PDZRN4: variants seen among roughly 807,000 people sequenced by gnomAD.
PDZRN4 encodes the protein PDZ domain-containing RING finger protein 4.
PDZRN4 carries 70 observed loss-of-function variants against 99.0 expected under a neutral mutation model. The ratio of observed to expected loss-of-function variants is 0.71; its 90% CI spans 0.58 to 0.86. The LOEUF (loss-of-function observed/expected upper bound fraction) is 0.86, where lower values mean the gene tolerates loss of function less well. Among genes scored for constraint, PDZRN4 ranks in the 40% least tolerant of loss-of-function variants. The probability of loss-of-function intolerance (pLI) is 0.00; values close to 1 mark genes in which losing one functional copy is unlikely to be tolerated. For missense variants in PDZRN4, 1,474 were observed against 1,331.2 expected, an observed-to-expected ratio of 1.11 and a Z score of -1.67; for synonymous variants, 551 against 501.6, an observed-to-expected ratio of 1.10 and a Z score of -1.32.
At chr12:41,538,329 T>C (rs139117435) in intron 5 of PDZRN4, among the ~76,000 whole-genome samples, 12 of 152,306 alleles carry the variant, frequency 7.9e-5, no homozygotes, top group African/African-American at 2.9e-4. Context: ...TCATTTTGCT[T>C]TTTATAAAAG....
At chr12:41,199,450 G>A (rs900981425) in intron 3 of PDZRN4, among the ~76,000 whole-genome samples, 1 of 152,074 alleles carries the variant, frequency 6.6e-6, no homozygotes, top group Non-Finnish European at 1.5e-5. Context: ...ACACTATGGC[G>A]ACTTCCCAAA....
intron 3 of PDZRN4, among the ~76,000 whole-genome samples, chr12:41,483,935 A>G (rs1221218523): frequency 6.6e-6 from 1 of 152,130 alleles, no homozygotes; most frequent in Non-Finnish European, 1.5e-5. Flanking sequence ...TTTAATCTAA[A>G]TTTGTTGTGC....
chr12:41,531,033 T>C (rs1326305930), intron 5 of PDZRN4, among the ~76,000 whole-genome samples: 1 of 152,038 alleles, frequency 6.6e-6, no homozygotes, highest in Non-Finnish European at 1.5e-5. Context: ...TGGGCATGTG[T>C]TACAGGGTGC....
chr12:41,500,100 G>T (rs1938083810), intron 3 of PDZRN4, among the ~76,000 whole-genome samples: 1 of 152,056 alleles, frequency 6.6e-6, no homozygotes, highest in Admixed American at 6.6e-5. Context: ...ACCAGAAACT[G>T]TGGGCATGTG....
chr12:41,413,233 G>A (rs948819735), intron 3 of PDZRN4: 5 of 152,172 alleles, frequency 3.3e-5, no homozygotes, highest in Admixed American at 3.3e-4. Flanking sequence ...GATAGAACTG[G>A]AAGACATGAT....
intron 3 of PDZRN4, among the ~76,000 whole-genome samples, chr12:41,253,402 T>C (rs1031616268): frequency 1.3e-5 from 2 of 152,170 alleles, no homozygotes. Flanking sequence ...TCCAGTTTTA[T>C]CAGTGCCATC....
chr12:41,191,532 T>A lies in PDZRN4; in HGVS notation c.723T>A (p.Gly241=). ...NDTLGFNIIG[G]RPNQNNQEGT... ...CTTTGGGATTCAATATTATAGGAGG[T>A]CGACCAAATCAGGTAAAACACCTTG... The change falls in exon 2 of 10, where the codon GGT becomes GGA. Residue 241 remains glycine (G), a synonymous_variant. Coordinates refer to ENST00000402685, the MANE Select transcript of PDZRN4 (RefSeq NM_001164595.2). 6.6e-7 allele frequency: 1 copy of A among 1,520,122 alleles called. No homozygotes were observed. The highest frequency in any genetic ancestry group is 1.4e-5 in the African/African-American group (1 of 73,494). 94.2% of individuals were successfully genotyped at this position (1,520,122 alleles called of 1,614,324 possible).
chr12:41,502,490 A>T (rs1938128656), intron 3 of PDZRN4, among the ~76,000 whole-genome samples: 1 of 152,090 alleles, frequency 6.6e-6, no homozygotes, highest in Non-Finnish European at 1.5e-5. Flanking sequence ...TATTTTTTTC[A>T]GTAATCAAGT....
Position 41,188,755 on chromosome 12 carries a change from C to T in PDZRN4, c.300C>T (p.His100=), listed in dbSNP as rs774031404. Reference sequence around the variant, plus strand: ...TCAGGCTGCACGAGCTGGAGGCGCACGTCGAGCACTGCGACTTCGGCCCTG... The same window carrying T: ...TCAGGCTGCACGAGCTGGAGGCGCATGTCGAGCACTGCGACTTCGGCCCTG... The part of the protein sequence containing the change: ...HSVRLHELEA[H]VEHCDFGPAR... The change falls in exon 1 of 10, where the codon CAC becomes CAT. Residue 100 remains histidine, a synonymous_variant. Transcript: ENST00000402685. 2.3e-5 allele frequency: 34 copies of T among 1,472,482 alleles called. No homozygotes were observed. Among genetic ancestry groups the T allele is most frequent in the Non-Finnish European group, 2.9e-5 (33 of 1,120,596 alleles). The allele number at this position is 1,472,482 out of a possible 1,614,324, so 91.2% of individuals were successfully genotyped here.
chr12:41,566,293 T>C (rs1042304171), intron 8 of PDZRN4, among the ~76,000 whole-genome samples: 4 of 152,174 alleles, frequency 2.6e-5, no homozygotes, highest in Non-Finnish European at 2.9e-5. Context: ...TATTTTGACC[T>C]GATTAAAGAA....
chr12:41,559,899 A>G (rs1233908567), intron 7 of PDZRN4, among the ~76,000 whole-genome samples: 5 of 152,034 alleles, frequency 3.3e-5, no homozygotes, highest in African/African-American at 9.7e-5. Flanking sequence ...CCCTTTGCTC[A>G]GCACTCATTC....
In PDZRN4 at chr12:41,189,066, G is replaced by T; in HGVS notation, c.611G>T (p.Arg204Leu). ...TTCACCCAATACATGGCTCACGTCC[G>T]CAACTTCGTCGGCGACCTCGGTGGC... ...EKFTQYMAHV[R>L]NFVGDLGGGH... Residue 204 changes from arginine (R) to leucine (L), a missense_variant, in exon 1 of 10, where the codon CGC becomes CTC. By Grantham distance (102) the Arg-to-Leu change is moderately radical. Coordinates refer to ENST00000402685, the MANE Select transcript of PDZRN4 (RefSeq NM_001164595.2). 3 of 1,580,164 alleles carry T rather than the reference G, an allele frequency of 1.9e-6. No homozygotes were observed. The highest frequency in any genetic ancestry group is 1.1e-5 in the South Asian group (1 of 87,476).
intron 3 of PDZRN4, among the ~76,000 whole-genome samples, chr12:41,458,641 A>G (rs1461473733): frequency 6.6e-6 from 1 of 152,154 alleles, no homozygotes; most frequent in Non-Finnish European, 1.5e-5. Flanking sequence ...TTGCACGGCT[A>G]AATTCTGGGA....
At chr12:41,252,138 T>A (rs1026328171) in intron 3 of PDZRN4, among the ~76,000 whole-genome samples, 1 of 148,856 alleles carries the variant, frequency 6.7e-6, no homozygotes, top group Non-Finnish European at 1.5e-5. Flanking sequence ...AAATAAATAA[T>A]AAAATGAAGT....
intron 3 of PDZRN4, among the ~76,000 whole-genome samples, chr12:41,346,410 C>G (rs1037112329): frequency 6.6e-6 from 1 of 151,716 alleles, no homozygotes; most frequent in Non-Finnish European, 1.5e-5. Flanking sequence ...TGCAGTGAGC[C>G]GAGATAGCGC....
intron 5 of PDZRN4, among the ~76,000 whole-genome samples, chr12:41,537,513 G>C (rs1938768807): frequency 6.6e-6 from 1 of 152,114 alleles, no homozygotes; most frequent in Admixed American, 6.6e-5. Context: ...ACTTCAGTTT[G>C]GCTAGGTCGT....
intron 5 of PDZRN4, 65 bp downstream of exon 5, chr12:41,509,978 C>G: frequency 1.4e-6 from 1 of 739,618 alleles, no homozygotes; most frequent in Non-Finnish European, 2.3e-6. Context: ...TTTTGTATAA[C>G]AAAGAAATTA....
intron 3 of PDZRN4, among the ~76,000 whole-genome samples, chr12:41,447,946 T>C (rs902806978): frequency 6.6e-6 from 1 of 152,088 alleles, no homozygotes; most frequent in Non-Finnish European, 1.5e-5. Flanking sequence ...AGTAAGAGAA[T>C]CAATAAAAGA....
intron 3 of PDZRN4, among the ~76,000 whole-genome samples, chr12:41,311,624 C>A (rs1951607158): frequency 6.6e-6 from 1 of 152,158 alleles, no homozygotes; most frequent in Non-Finnish European, 1.5e-5. Context: ...TCTGCCTACT[C>A]TTACAGAACA....
Sources: gnomAD v4.1 joint callset for allele counts (sites outside exome capture counted in the v4.1 genomes callset) on GRCh38, gnomAD v4.1.1 for gene constraint, MANE v1.5 for transcripts, NCBI Gene and HGNC (gene_info 2026-07-23, HGNC 2026-07-21) for gene names.